SMC1B: variants seen among roughly 807,000 people sequenced by gnomAD.
SMC1B encodes structural maintenance of chromosomes protein 1B.
SMC1B carries 60 observed loss-of-function variants against 157.9 expected under a neutral mutation model. The observed-to-expected ratio is 0.38, with a 90% confidence interval of 0.31 to 0.47. The LOEUF (loss-of-function observed/expected upper bound fraction) is 0.47, where lower values mean the gene tolerates loss of function less well. SMC1B is among the 20% of genes least tolerant of loss of function. The pLI is 0.99. For synonymous variants in SMC1B, 445 were observed against 483.0 expected, an observed-to-expected ratio of 0.92 and a Z score of 1.03; for missense variants, 1,165 against 1,426.2, an observed-to-expected ratio of 0.82 and a Z score of 2.95.
intron 1 of SMC1B, among the ~76,000 whole-genome samples, chr22:45,410,095 T>C (rs767746497): frequency 6.6e-6 from 1 of 152,266 alleles, no homozygotes; most frequent in Non-Finnish European, 1.5e-5. Flanking sequence ...GGGTAAGGAC[T>C]TGGAATCTTG....
At chr22:45,400,775 T>C (rs58724709) in intron 5 of SMC1B, among the ~76,000 whole-genome samples, 673 of 152,268 alleles carry the variant, frequency 4.4e-3, no homozygotes, top group African/African-American at 0.015. Flanking sequence ...ATATGACACA[T>C]GATATAGTAC....
intron 20 of SMC1B, among the ~76,000 whole-genome samples, chr22:45,354,683 G>A (rs1450068954): frequency 6.6e-6 from 1 of 151,964 alleles, no homozygotes; most frequent in Non-Finnish European, 1.5e-5. Context: ...GAGCTACTGC[G>A]CCCAGCCTGA....
intron 23 of SMC1B, among the ~76,000 whole-genome samples, 164 bp downstream of exon 23, chr22:45,349,564 G>A (rs1354919690): frequency 9.3e-6 from 1 of 107,474 alleles, no homozygotes; most frequent in Non-Finnish European, 1.9e-5. Flanking sequence ...TTAAACTCCT[G>A]ACCTTGTGAT....
At chr22:45,383,413 T>C in intron 12 of SMC1B, 54 bp downstream of exon 12, 1 of 1,391,992 alleles carries the variant, frequency 7.2e-7, no homozygotes, top group South Asian at 1.8e-5. Flanking sequence ...CCACCTAGTT[T>C]AAAAACACAA....
intron 15 of SMC1B, among the ~76,000 whole-genome samples, chr22:45,365,072 C>T (rs977925018): frequency 3.3e-5 from 5 of 152,136 alleles, no homozygotes; most frequent in Non-Finnish European, 5.9e-5. Context: ...CGCCTGACCT[C>T]GTGATCCGCC....
intron 13 of SMC1B, 56 bp downstream of exon 13, chr22:45,372,099 T>C (rs2086838421): frequency 2.1e-6 from 3 of 1,450,220 alleles, no homozygotes; most frequent in African/African-American, 1.4e-5. Flanking sequence ...ATGTAATTCC[T>C]GAAATTCTAT....
chr22:45,389,171 G>T (rs1301881098), intron 10 of SMC1B, among the ~76,000 whole-genome samples: 1 of 152,096 alleles, frequency 6.6e-6, no homozygotes, highest in Non-Finnish European at 1.5e-5. Flanking sequence ...GAACCAAAGA[G>T]AACATTTTCT....
At chr22:45,385,774 C>A (rs2086983602) in intron 11 of SMC1B, among the ~76,000 whole-genome samples, 1 of 152,022 alleles carries the variant, frequency 6.6e-6, no homozygotes, top group Non-Finnish European at 1.5e-5. Flanking sequence ...TAATAACTTA[C>A]TACCCTAGCT....
chr22:45,368,875 G>A (rs564517720), intron 15 of SMC1B, among the ~76,000 whole-genome samples: 4 of 152,102 alleles, frequency 2.6e-5, no homozygotes, highest in Non-Finnish European at 5.9e-5. Flanking sequence ...AGTTACATGT[G>A]CCTTTAAAGT....
chr22:45,347,608 CT>C (rs949753429), intron 23 of SMC1B, among the ~76,000 whole-genome samples: 2 of 152,018 alleles, frequency 1.3e-5, no homozygotes, highest in East Asian at 3.9e-4. Flanking sequence ...CAATTTATTT[CT>C]TTTTTTCTTT....
chr22:45,384,746 T>TTCCCATG (rs554527608), intron 11 of SMC1B, among the ~76,000 whole-genome samples: 86 of 151,984 alleles, frequency 5.7e-4, no homozygotes, highest in Admixed American at 1.2e-3. Context: ...AAGAAAAAAT[T>TTCCCATG]TCCCATGGTT....
At position 45,353,893 on chromosome 22, in the gene SMC1B, CAAAAAAAAAAAAAAAAA is replaced by C. The variant is rs3833396; in HGVS notation, c.3273+68_3273+84del. On this transcript the variant is annotated intron_variant, in intron 21 of 24. Transcript: ENST00000357450. The stretch of plus-strand genomic sequence containing the variant: ...TAATGTGGCAGTGGTTATTTCCCAC[CAAAAAAAAAAAAAAAAA>C]AAAAAAAAAACAACCACCACCGGTA... 74 of 247,504 alleles carry C rather than the reference CAAAAAAAAAAAAAAAAA, an allele frequency of 3.0e-4. 6 individuals are homozygous for C. Among genetic ancestry groups the C allele is most frequent in the East Asian group, 1.7e-3 (19 of 11,008 alleles). The allele number at this position is 247,504 out of a possible 1,614,324, so 15.3% of individuals were successfully genotyped here.
At position 45,402,488 on chromosome 22, in the gene SMC1B, T is replaced by G; in HGVS notation, c.699A>C (p.Lys233Asn). ...ACTTGGTGTTCAGGAGATGAATCTT[T>G]TTCTCATTATGGTATAGTTGAAAAA... The part of the protein sequence containing the change: ...LQLFQLYHNE[K>N]KIHLLNTKLE... Residue 233 changes from lysine (K) to asparagine (N), a missense_variant, in exon 5 of 25, where the codon AAA becomes AAC. Transcript: ENST00000357450. 9 of 1,614,016 alleles carry G rather than the reference T, an allele frequency of 5.6e-6. No individual in the cohort carries two copies. Among genetic ancestry groups the G allele is most frequent in the Non-Finnish European group, 7.6e-6 (9 of 1,179,962 alleles).
intron 12 of SMC1B, among the ~76,000 whole-genome samples, chr22:45,378,658 A>G (rs183151323): frequency 1.3e-5 from 2 of 152,258 alleles, no homozygotes; most frequent in African/African-American, 4.8e-5. Flanking sequence ...CCCTAATTCA[A>G]CCAAACTAAA....
At chr22:45,390,630 G>A (rs755949200) in intron 9 of SMC1B, among the ~76,000 whole-genome samples, 7 of 151,694 alleles carry the variant, frequency 4.6e-5, no homozygotes, top group Non-Finnish European at 1.0e-4. Flanking sequence ...GCTTGAACTC[G>A]GGAGGCAGAG....
At chr22:45,410,275 A>C (rs1392655073) in intron 1 of SMC1B, among the ~76,000 whole-genome samples, 1 of 152,374 alleles carries the variant, frequency 6.6e-6, no homozygotes, top group Middle Eastern at 3.4e-3. Flanking sequence ...TCCTAACCCC[A>C]ATGTTAAATC....
intron 22 of SMC1B, 30 bp from the exon 23 acceptor site, chr22:45,349,827 C>A: frequency 6.5e-7 from 1 of 1,526,724 alleles, no homozygotes; most frequent in Non-Finnish European, 9.0e-7. Flanking sequence ...AAGTAAGTTA[C>A]AATTTTCTAT....
intron 10 of SMC1B, among the ~76,000 whole-genome samples, chr22:45,388,633 G>A (rs910943189): frequency 6.6e-6 from 1 of 152,004 alleles, no homozygotes; most frequent in East Asian, 1.9e-4. Context: ...AATCCAATAA[G>A]GTAAGAATTA....
chr22:45,354,198 A>C (rs756411590), intron 20 of SMC1B, 66 bp from the exon 21 acceptor site: 11 of 1,252,044 alleles, frequency 8.8e-6, no homozygotes, highest in Admixed American at 6.0e-5. Flanking sequence ...TAAACTGTAA[A>C]GCATAAAATA....
Sources: gnomAD v4.1 joint callset for allele counts (sites outside exome capture counted in the v4.1 genomes callset) on GRCh38, gnomAD v4.1.1 for gene constraint, MANE v1.5 for transcripts, NCBI Gene and HGNC (gene_info 2026-07-23, HGNC 2026-07-21) for gene names.